The following ATP9B variants were observed in gnomAD, a reference collection of about 807,000 sequenced individuals.
The protein encoded by ATP9B is probable phospholipid-transporting ATPase IIB.
A neutral mutation model predicts 146.1 loss-of-function variants in ATP9B; 110 were observed. The ratio of observed to expected loss-of-function variants is 0.75; its 90% CI spans 0.65 to 0.88. The LOEUF is 0.88. ATP9B is among the 40% of genes least tolerant of loss of function. The pLI is 0.00. For missense variants in ATP9B, 1,499 were observed against 1,496.4 expected (o/e 1.00, Z -0.03); for synonymous variants, 604 against 569.7 (o/e 1.06, Z -0.86).
chr18:79,254,102 A>G (rs1361855201), intron 12 of ATP9B: 2 of 152,178 alleles, frequency 1.3e-5, no homozygotes, highest in Non-Finnish European at 2.9e-5. Context: ...ATTTTAAACT[A>G]TTTTCTAAAA....
intron 9 of ATP9B, among the ~76,000 whole-genome samples, chr18:79,196,979 G>A (rs527540974): frequency 1.3e-5 from 2 of 152,262 alleles, no homozygotes; most frequent in African/African-American, 4.8e-5. Context: ...CAGAACATGA[G>A]CAGTAAAATA....
chr18:79,227,261 G>T (rs1381627564), intron 11 of ATP9B, among the ~76,000 whole-genome samples: 1 of 151,678 alleles, frequency 6.6e-6, no homozygotes, highest in Admixed American at 6.6e-5. Context: ...CTTGGCTCTG[G>T]GTTCCTTTTA....
At chr18:79,224,116 G>A (rs1308163426) in intron 11 of ATP9B, among the ~76,000 whole-genome samples, 12 of 152,152 alleles carry the variant, frequency 7.9e-5, no homozygotes, top group South Asian at 2.1e-4. Flanking sequence ...TTTCTAAGCG[G>A]TATAGCTAAA....
At chr18:79,175,484 GCA>G (rs1343760078) in intron 7 of ATP9B, among the ~76,000 whole-genome samples, 4 of 152,074 alleles carry the variant, frequency 2.6e-5, no homozygotes, top group Non-Finnish European at 5.9e-5. Flanking sequence ...AGATATATGT[GCA>G]CACACACAGA....
intron 6 of ATP9B, 151 bp from the exon 7 acceptor site, chr18:79,154,353 A>G (rs1350432375): frequency 3.4e-6 from 2 of 583,226 alleles, no homozygotes; most frequent in Non-Finnish European, 5.8e-6. Flanking sequence ...TAAAATATCA[A>G]TTTTTTATAT....
At chr18:79,344,115 C>T in intron 20 of ATP9B, 150 bp from the exon 21 acceptor site, 1 of 711,676 alleles carries the variant, frequency 1.4e-6, no homozygotes, top group Non-Finnish European at 2.4e-6. Flanking sequence ...TGGAAAGGAC[C>T]TTCTTCCGGG....
chr18:79,119,621 A>G (rs1006376692), intron 4 of ATP9B, among the ~76,000 whole-genome samples: 1 of 152,212 alleles, frequency 6.6e-6, no homozygotes, highest in African/African-American at 2.4e-5. Flanking sequence ...CATTTGAATA[A>G]TGCTTGACGT....
chr18:79,211,964 T>C (rs6506743), intron 10 of ATP9B, among the ~76,000 whole-genome samples: 119,701 of 152,182 alleles, frequency 0.79, 47,474 homozygotes, highest in African/African-American at 0.85. Flanking sequence ...ATTTGTCACA[T>C]TCAGTCTCCT....
chr18:79,097,667 G>T (rs1371110374), intron 2 of ATP9B, among the ~76,000 whole-genome samples: 1 of 147,218 alleles, frequency 6.8e-6, no homozygotes, highest in African/African-American at 2.6e-5. Context: ...GAGAATGATG[G>T]TTTCGAATTT....
chr18:79,077,107 T>C (rs930285673), intron 1 of ATP9B, among the ~76,000 whole-genome samples: 1 of 152,238 alleles, frequency 6.6e-6, no homozygotes, highest in African/African-American at 2.4e-5. Flanking sequence ...TCTGTGTTGT[T>C]TTGATGTTGA....
chr18:79,082,683 G>C (rs966497532), intron 1 of ATP9B, among the ~76,000 whole-genome samples: 4 of 152,314 alleles, frequency 2.6e-5, no homozygotes, highest in African/African-American at 9.6e-5. Flanking sequence ...GTCTGCTGGA[G>C]TTTGCTGGAG....
intron 19 of ATP9B, 149 bp from the exon 20 acceptor site, chr18:79,342,119 G>A (rs1421698633): frequency 1.6e-6 from 1 of 622,168 alleles, no homozygotes; most frequent in East Asian, 2.7e-5. Context: ...ATACTCCATT[G>A]TATGTATGGA....
intron 9 of ATP9B, among the ~76,000 whole-genome samples, chr18:79,204,782 T>C (rs1226620976): frequency 6.6e-6 from 1 of 152,234 alleles, no homozygotes; most frequent in Non-Finnish European, 1.5e-5. Context: ...CTTAAGACCA[T>C]TGACATCACT....
chr18:79,369,532 CAAAAAAAA>C (rs67043260), intron 26 of ATP9B, among the ~76,000 whole-genome samples: 1 of 87,990 alleles, frequency 1.1e-5, no homozygotes, highest in African/African-American at 4.6e-5. Context: ...GAGTCCGTCT[CAAAAAAAA>C]AAAAAAAAAA....
At position 79,157,651 on chromosome 18, in the gene ATP9B, C is replaced by A. The variant is rs377675485; in HGVS notation, c.778+3096C>A. On this transcript the variant is annotated intron_variant, in intron 7 of 29. Transcript: ENST00000426216. ...TCTGATTTTTAAAAAATTACTAATT[C>A]AGTTTCTTTACTTGTTACAGGATTA... Among the ~76,000 whole-genome samples, 16 of 152,254 alleles carry A rather than the reference C, an allele frequency of 1.1e-4. 1 individual carries two copies. Among genetic ancestry groups the A allele is most frequent in the East Asian group, 5.8e-4 (3 of 5,186 alleles).
chr18:79,340,476 A>G (rs1434320574), intron 19 of ATP9B: 1 of 152,208 alleles, frequency 6.6e-6, no homozygotes, highest in East Asian at 1.9e-4. Context: ...AAAATAAATA[A>G]AAAGCACAAA....
intron 9 of ATP9B, among the ~76,000 whole-genome samples, chr18:79,203,116 C>T (rs571960933): frequency 7.2e-5 from 11 of 152,258 alleles, no homozygotes; most frequent in Middle Eastern, 3.4e-3. Flanking sequence ...GCAGGAGAAC[C>T]GGGAGGAGCA....
chr18:79,371,881 A>G (rs929335489), intron 26 of ATP9B, among the ~76,000 whole-genome samples: 2 of 152,256 alleles, frequency 1.3e-5, no homozygotes, highest in African/African-American at 4.8e-5. Flanking sequence ...TCTGATCAGC[A>G]GACTACACTT....
At chr18:79,094,921 C>T (rs977298958) in intron 1 of ATP9B, among the ~76,000 whole-genome samples, 48 of 152,210 alleles carry the variant, frequency 3.2e-4, no homozygotes, top group African/African-American at 1.1e-3. Context: ...TCGGCCACTG[C>T]ATACGCGTAC....
Sources: gnomAD v4.1 joint callset for allele counts (sites outside exome capture counted in the v4.1 genomes callset) on GRCh38, gnomAD v4.1.1 for gene constraint, MANE v1.5 for transcripts, NCBI Gene and HGNC (gene_info 2026-07-23, HGNC 2026-07-21) for gene names.